The following ST3GAL3 variants were observed in gnomAD, a reference collection of about 807,000 sequenced individuals.
The protein encoded by ST3GAL3 is ST3 beta-galactoside alpha-2,3-sialyltransferase 3.
ST3GAL3 carries 21 observed loss-of-function variants against 50.1 expected under a neutral mutation model. That is an observed-to-expected ratio of 0.42 (90% CI 0.30 to 0.60). The LOEUF is 0.60. Among genes scored for constraint, ST3GAL3 ranks in the 20% least tolerant of loss-of-function variants. The pLI is 0.19. For synonymous variants in ST3GAL3, 183 were observed against 190.0 expected, an observed-to-expected ratio of 0.96 and a Z score of 0.30; for missense variants, 353 against 489.4, an observed-to-expected ratio of 0.72 and a Z score of 2.63.
intron 5 of ST3GAL3, among the ~76,000 whole-genome samples, chr1:43,845,791 A>G (rs2066156127): frequency 6.6e-6 from 1 of 151,984 alleles, no homozygotes; most frequent in South Asian, 2.1e-4. Context: ...ATTTCACTCT[A>G]TATATTGCAT....
rs750515042 is a variant in ST3GAL3, at chr1:43,824,712, C to T, written c.209+9779C>T. The T allele has an allele frequency of 6.8e-6, 11 of 1,613,858 alleles. No individual in the cohort carries two copies. The South Asian group carries it at 1.2e-4, about 18-fold the overall frequency. On this transcript the variant is annotated intron_variant, in intron 4 of 11. Transcript: ENST00000347631. ...AGCTATGTGATCAAGACTGAAAAAG[C>T]CAAATTCCCACTTTGCAGCTCACCG...
At chr1:43,853,313 T>C (rs922095560) in intron 5 of ST3GAL3, among the ~76,000 whole-genome samples, 4 of 152,232 alleles carry the variant, frequency 2.6e-5, no homozygotes, top group African/African-American at 9.6e-5. Flanking sequence ...CACCTACTGA[T>C]GTTTACTTTG....
Position 43,861,969 on chromosome 1 carries a change from G to A in ST3GAL3, c.302+23658G>A, listed in dbSNP as rs184613125. ...CTTGAACTCGGGAGGCGGAGGTTGC[G>A]GTGAGCCAAGATCACGCCATTGTAC... On this transcript the variant is annotated intron_variant, in intron 5 of 11. Transcript: ENST00000347631. Among the ~76,000 whole-genome samples, 885 of 151,996 alleles carry A rather than the reference G, an allele frequency of 5.8e-3. 4 individuals carry two copies. Among genetic ancestry groups the A allele is most frequent in the Non-Finnish European group, 9.9e-3 (675 of 67,962 alleles).
intron 2 of ST3GAL3, among the ~76,000 whole-genome samples, chr1:43,764,828 C>G (rs897526524): frequency 2.6e-5 from 4 of 152,174 alleles, no homozygotes; most frequent in African/African-American, 9.7e-5. Flanking sequence ...ACAGTTGAGG[C>G]CTTTCTGTCC....
intron 2 of ST3GAL3, among the ~76,000 whole-genome samples, chr1:43,750,008 G>T (rs778777802): frequency 6.6e-6 from 1 of 152,090 alleles, no homozygotes; most frequent in Non-Finnish European, 1.5e-5. Flanking sequence ...AGAACTATGA[G>T]AAAATAAATT....
intron 2 of ST3GAL3, among the ~76,000 whole-genome samples, chr1:43,758,013 G>A (rs905256144): frequency 6.7e-6 from 1 of 149,352 alleles, no homozygotes; most frequent in Admixed American, 6.7e-5. Context: ...AATAAACAAA[G>A]ATATGTATAG....
At chr1:43,752,592 C>T (rs1365735429) in intron 2 of ST3GAL3, among the ~76,000 whole-genome samples, 1 of 152,226 alleles carries the variant, frequency 6.6e-6, no homozygotes, top group African/African-American at 2.4e-5. Flanking sequence ...CCTCCACCTC[C>T]TGGGCTCAAG....
intron 2 of ST3GAL3, among the ~76,000 whole-genome samples, chr1:43,740,637 T>C (rs1484557532): frequency 1.3e-5 from 2 of 151,820 alleles, no homozygotes; most frequent in East Asian, 3.9e-4. Context: ...AGGCCTTGTC[T>C]CTACAAAAAA....
intron 2 of ST3GAL3, among the ~76,000 whole-genome samples, chr1:43,762,821 T>C (rs1000602196): frequency 1.4e-4 from 21 of 151,362 alleles, no homozygotes; most frequent in Non-Finnish European, 2.5e-4. Context: ...AGAGAGGAGA[T>C]AGGATGAAAG....
At chr1:43,734,355 A>ATTTTTTTT in intron 1 of ST3GAL3, among the ~76,000 whole-genome samples, 1 of 127,302 alleles carries the variant, frequency 7.9e-6, no homozygotes, top group African/African-American at 2.9e-5. Flanking sequence ...CCCAGGCTGG[A>ATTTTTTTT]GTACAGTGGC....
chr1:43,713,086 C>T (rs1057069683), intron 1 of ST3GAL3, among the ~76,000 whole-genome samples: 1 of 152,172 alleles, frequency 6.6e-6, no homozygotes. Flanking sequence ...ATGCCTACTA[C>T]ACAAGAGTCA....
At chr1:43,864,090 C>G (rs1570083731) in intron 5 of ST3GAL3, among the ~76,000 whole-genome samples, 1 of 152,150 alleles carries the variant, frequency 6.6e-6, no homozygotes, top group East Asian at 1.9e-4. Flanking sequence ...ACCAGCCTGG[C>G]CAACATGGCA....
At chr1:43,818,130 C>T (rs538910347) in intron 4 of ST3GAL3, among the ~76,000 whole-genome samples, 49 of 152,252 alleles carry the variant, frequency 3.2e-4, no homozygotes, top group East Asian at 1.4e-3. Flanking sequence ...TCTCTCTCTA[C>T]GCCTCTTCTG....
intron 11 of ST3GAL3, among the ~76,000 whole-genome samples, chr1:43,929,608 A>G (rs970517679): frequency 2.0e-5 from 3 of 152,116 alleles, no homozygotes; most frequent in Non-Finnish European, 4.4e-5. Context: ...GCCTATTTTT[A>G]ATTTTCTAAA....
chr1:43,812,970 A>G (rs966188557), intron 3 of ST3GAL3, among the ~76,000 whole-genome samples: 5 of 152,242 alleles, frequency 3.3e-5, no homozygotes, highest in African/African-American at 1.2e-4. Context: ...CAGAAAATAT[A>G]TGGGAGGAAA....
chr1:43,837,625 G>A (rs963685588), intron 4 of ST3GAL3, among the ~76,000 whole-genome samples: 1 of 152,172 alleles, frequency 6.6e-6, no homozygotes, highest in Non-Finnish European at 1.5e-5. Flanking sequence ...CCCGGGTATT[G>A]GAGCCTTGAT....
intron 1 of ST3GAL3, among the ~76,000 whole-genome samples, chr1:43,715,136 A>T (rs11210904): frequency 0.036 from 5,439 of 152,272 alleles, 346 homozygotes; most frequent in African/African-American, 0.13. Context: ...GGATTTAAAG[A>T]ATGTAGCAGT....
intron 5 of ST3GAL3, among the ~76,000 whole-genome samples, chr1:43,845,229 G>T (rs2066047662): frequency 6.6e-6 from 1 of 151,996 alleles, no homozygotes; most frequent in Non-Finnish European, 1.5e-5. Flanking sequence ...GTGATCTACT[G>T]GCCTCAGCTT....
intron 4 of ST3GAL3, among the ~76,000 whole-genome samples, chr1:43,817,825 T>TCCTCCTTCTCC (rs1558441433): frequency 2.7e-4 from 24 of 87,572 alleles, no homozygotes; most frequent in African/African-American, 1.1e-3. Context: ...CCTCCTTCTC[T>TCCTCCTTCTCC]TCCTTCCTCC....
Sources: gnomAD v4.1 joint callset for allele counts (sites outside exome capture counted in the v4.1 genomes callset) on GRCh38, gnomAD v4.1.1 for gene constraint, MANE v1.5 for transcripts, NCBI Gene and HGNC (gene_info 2026-07-23, HGNC 2026-07-21) for gene names.